ALK: variants seen among roughly 807,000 people sequenced by gnomAD.
ALK encodes ALK tyrosine kinase receptor.
ALK carries 74 observed loss-of-function variants against 163.1 expected under a neutral mutation model. The observed-to-expected ratio is 0.45, with a 90% CI of 0.38 to 0.55. The LOEUF (loss-of-function observed/expected upper bound fraction) is 0.55. Among genes scored for constraint, ALK ranks in the 20% least tolerant of loss-of-function variants. The probability of loss-of-function intolerance (pLI) is 0.00; values close to 1 mark genes in which losing one functional copy is unlikely to be tolerated. For missense variants in ALK, 2,063 were observed against 2,105.3 expected (o/e 0.98, Z 0.39); for synonymous variants, 960 against 843.2 (o/e 1.14, Z -2.40).
At chr2:29,433,514 T>C (rs764132301) in intron 4 of ALK, among the ~76,000 whole-genome samples, 3 of 152,228 alleles carry the variant, frequency 2.0e-5, no homozygotes, top group Non-Finnish European at 2.9e-5. Flanking sequence ...TGCTCACTGA[T>C]TGATAAACTT....
intron 20 of ALK, 56 bp from the exon 21 acceptor site, chr2:29,222,663 C>T: frequency 2.0e-6 from 3 of 1,515,232 alleles, no homozygotes; most frequent in Non-Finnish European, 2.7e-6. Context: ...AATAATGAGG[C>T]AGCTGGGGGT....
chr2:29,746,667 A>AT (rs1430644269), intron 1 of ALK, among the ~76,000 whole-genome samples: 2 of 152,122 alleles, frequency 1.3e-5, no homozygotes, highest in Non-Finnish European at 2.9e-5. Flanking sequence ...GAAACCTGAC[A>AT]TTTTCTGGGA....
At chr2:29,841,191 C>T (rs1388642227) in intron 1 of ALK, among the ~76,000 whole-genome samples, 3 of 151,988 alleles carry the variant, frequency 2.0e-5, no homozygotes, top group African/African-American at 2.4e-5. Context: ...AACATTACCC[C>T]CATCATTTAA....
rs140026286 is a variant in ALK at position 29,671,937 on chromosome 2, T to A, written c.952+22913A>T. Among the ~76,000 whole-genome samples, 9 of 152,032 alleles carry A rather than the reference T, an allele frequency of 5.9e-5. No individual in the cohort carries two copies. The East Asian group carries it at 1.7e-3, about 29-fold the overall frequency. ...TTTTAGTTTTTAATTACAAAATAAA[T>A]ATGTAAAAATTCTAATGATACAAAA... On this transcript the variant is annotated intron_variant, in intron 3 of 28. Coordinates refer to ENST00000389048, the MANE Select transcript of ALK (RefSeq NM_004304.5).
At chr2:29,299,096 T>G (rs978741512) in intron 8 of ALK, among the ~76,000 whole-genome samples, 1 of 152,238 alleles carries the variant, frequency 6.6e-6, no homozygotes, top group Non-Finnish European at 1.5e-5. Flanking sequence ...ATTCTCTCTT[T>G]AAGTTCTTTC....
At chr2:29,778,951 C>T (rs1042624395) in intron 1 of ALK, among the ~76,000 whole-genome samples, 4 of 151,774 alleles carry the variant, frequency 2.6e-5, no homozygotes, top group East Asian at 2.0e-4. Flanking sequence ...GTCAGGAGAT[C>T]GAGACCATCC....
chr2:29,366,258 G>A (rs1217623050), intron 5 of ALK, among the ~76,000 whole-genome samples: 1 of 152,192 alleles, frequency 6.6e-6, no homozygotes, highest in Non-Finnish European at 1.5e-5. Context: ...AATAGACAAG[G>A]AGAGCATGAG....
chr2:29,771,963 G>C (rs1451056382), intron 1 of ALK, among the ~76,000 whole-genome samples: 1 of 152,184 alleles, frequency 6.6e-6, no homozygotes, highest in Non-Finnish European at 1.5e-5. Flanking sequence ...CTGAGGAGGG[G>C]CTCCTTCAGT....
At chr2:29,427,125 A>G (rs966692563) in intron 4 of ALK, among the ~76,000 whole-genome samples, 1 of 129,700 alleles carries the variant, frequency 7.7e-6, no homozygotes, top group Admixed American at 8.3e-5. Context: ...ATAGAAATGT[A>G]TTATATATTT....
intron 26 of ALK, among the ~76,000 whole-genome samples, chr2:29,206,412 C>T (rs1177121673): frequency 1.3e-5 from 2 of 152,028 alleles, no homozygotes; most frequent in African/African-American, 2.4e-5. Flanking sequence ...GCTGGGACCA[C>T]ATGCGTGCAC....
intron 1 of ALK, among the ~76,000 whole-genome samples, chr2:29,720,600 G>A (rs1340289729): frequency 6.6e-6 from 1 of 152,212 alleles, no homozygotes; most frequent in African/African-American, 2.4e-5. Flanking sequence ...CATGAATGCA[G>A]TTGTTTTCCA....
At chr2:29,592,645 A>G (rs1007608141) in intron 3 of ALK, among the ~76,000 whole-genome samples, 5 of 152,178 alleles carry the variant, frequency 3.3e-5, no homozygotes, top group African/African-American at 1.2e-4. Flanking sequence ...TAATATCCCT[A>G]TAGTGTGTTA....
chr2:29,415,510 C>T (rs1275778623), intron 4 of ALK, among the ~76,000 whole-genome samples: 1 of 152,138 alleles, frequency 6.6e-6, no homozygotes, highest in Non-Finnish European at 1.5e-5. Flanking sequence ...AGACCGTGAG[C>T]AAGGAGTTAC....
rs939461179 is a variant in ALK, at chr2:29,294,002, T to G, written c.1817+2886A>C. On this transcript the variant is annotated intron_variant, in intron 9 of 28. Coordinates refer to ENST00000389048, the MANE Select transcript of ALK (RefSeq NM_004304.5). ...AATAAAATTTCTGCCGCTTTCAAGGTTCAGGGTTGGGGAGCTGTCCACAAA... is the reference window on the plus strand; with the variant it reads ...AATAAAATTTCTGCCGCTTTCAAGGGTCAGGGTTGGGGAGCTGTCCACAAA... Among the ~76,000 whole-genome samples, 30 of 152,144 alleles carry G rather than the reference T, an allele frequency of 2.0e-4. 1 individual carries two copies. The highest frequency in any genetic ancestry group is 7.2e-4 in the African/African-American group (30 of 41,422).
intron 1 of ALK, among the ~76,000 whole-genome samples, chr2:29,908,590 C>A (rs192677291): frequency 5.3e-5 from 8 of 152,246 alleles, no homozygotes; most frequent in Non-Finnish European, 1.2e-4. Flanking sequence ...TGACTCCCTG[C>A]CAAAAGGCAA....
intron 2 of ALK, among the ~76,000 whole-genome samples, chr2:29,714,427 G>T (rs140038505): frequency 2.0e-5 from 3 of 152,102 alleles, no homozygotes; most frequent in African/African-American, 7.2e-5. Flanking sequence ...TTACAGACTG[G>T]GGGTGAATAA....
intron 28 of ALK, among the ~76,000 whole-genome samples, chr2:29,196,548 G>A (rs181663433): frequency 9.8e-5 from 15 of 152,328 alleles, no homozygotes; most frequent in East Asian, 1.9e-4. Context: ...TTTACTGTGT[G>A]TCTGGCACTG....
chr2:29,456,798 C>T (rs1379617386), intron 4 of ALK, among the ~76,000 whole-genome samples: 2 of 152,154 alleles, frequency 1.3e-5, no homozygotes, highest in Non-Finnish European at 1.5e-5. Flanking sequence ...TTAGATGTCA[C>T]ATGTGAAATA....
intron 1 of ALK, among the ~76,000 whole-genome samples, chr2:29,805,964 C>T (rs1403120449): frequency 2.0e-5 from 3 of 152,152 alleles, no homozygotes; most frequent in Non-Finnish European, 4.4e-5. Flanking sequence ...CCATAAGGAA[C>T]TCAGCACATT....
Sources: gnomAD v4.1 joint callset for allele counts (sites outside exome capture counted in the v4.1 genomes callset) on GRCh38, gnomAD v4.1.1 for gene constraint, MANE v1.5 for transcripts, NCBI Gene and HGNC (gene_info 2026-07-23, HGNC 2026-07-21) for gene names.